Variants in SAMD5 observed in about 807,000 individuals in gnomAD.
The protein encoded by SAMD5 is sterile alpha motif domain containing 5, also known as sterile alpha motif domain-containing protein 5.
In SAMD5, 13 loss-of-function variants were observed where a neutral mutation model predicts 11.3. The ratio of observed to expected loss-of-function variants is 1.15; its 90% CI spans 0.75 to 1.83. The LOEUF (loss-of-function observed/expected upper bound fraction) is 1.83, where lower values mean the gene tolerates loss of function less well. Ranked by LOEUF, SAMD5 falls within the 40% of genes most tolerant of loss-of-function variation. SAMD5 has a pLI of 0.00. For missense variants in SAMD5, 255 were observed against 239.1 expected (o/e 1.07, Z -0.44); for synonymous variants, 129 against 111.3 (o/e 1.16, Z -1.00).
intron 1 of SAMD5, among the ~76,000 whole-genome samples, chr6:147,562,657 C>A (rs538750431): frequency 6.6e-6 from 1 of 152,094 alleles, no homozygotes; most frequent in Admixed American, 6.5e-5. Flanking sequence ...TCCGTCTCTA[C>A]TAAAAATACA....
the SAMD5 span, among the ~76,000 whole-genome samples, chr6:147,781,770 GCGCACACACACA>G: frequency 8.6e-5 from 6 of 70,048 alleles, no homozygotes; most frequent in South Asian, 1.7e-3. Context: ...TAATTTGTGT[GCGCACACACACA>G]CACACACACA....
At chr6:147,533,876 C>T (rs1314003077) in intron 1 of SAMD5, among the ~76,000 whole-genome samples, 2 of 152,204 alleles carry the variant, frequency 1.3e-5, no homozygotes, top group African/African-American at 2.4e-5. Flanking sequence ...ATTATGCAGG[C>T]TAATCTGCTT....
intron 1 of SAMD5, among the ~76,000 whole-genome samples, chr6:147,604,206 TAAC>T (rs1174460929): frequency 7.3e-5 from 6 of 82,114 alleles, no homozygotes; most frequent in Non-Finnish European, 1.4e-4. Flanking sequence ...ATCAATGTAC[TAAC>T]TTTTTTTTTT....
intron 1 of SAMD5, among the ~76,000 whole-genome samples, chr6:147,595,678 C>G (rs887373758): frequency 1.3e-5 from 2 of 151,932 alleles, no homozygotes; most frequent in African/African-American, 4.8e-5. Context: ...AGGTGCCCAC[C>G]ACCACACCCA....
intron 1 of SAMD5, among the ~76,000 whole-genome samples, chr6:147,687,247 C>G (rs1791029170): frequency 6.9e-6 from 1 of 144,822 alleles, no homozygotes. Context: ...TCCCTCTCTC[C>G]CTCCTTCCCT....
intron 1 of SAMD5, among the ~76,000 whole-genome samples, chr6:147,514,637 T>C (rs1788137325): frequency 6.6e-6 from 1 of 152,088 alleles, no homozygotes; most frequent in African/African-American, 2.4e-5. Flanking sequence ...TGTAAATATA[T>C]TTTATTTTCT....
intron 1 of SAMD5, among the ~76,000 whole-genome samples, chr6:147,656,208 A>G (rs1381241834): frequency 6.6e-6 from 1 of 152,168 alleles, no homozygotes; most frequent in African/African-American, 2.4e-5. Context: ...GAGATCTGAA[A>G]GTGAAAAGAA....
intron 1 of SAMD5, among the ~76,000 whole-genome samples, chr6:147,587,766 T>C (rs1357123678): frequency 6.6e-6 from 1 of 152,140 alleles, no homozygotes; most frequent in Non-Finnish European, 1.5e-5. Context: ...TTCTGGGCTC[T>C]CCCTTTGACT....
At chr6:147,863,285 T>C in the SAMD5 span, among the ~76,000 whole-genome samples, 2 of 152,184 alleles carry the variant, frequency 1.3e-5, no homozygotes, top group South Asian at 4.1e-4. Context: ...CCCTCAGGAA[T>C]ATCTTTTTAG....
chr6:147,663,299 C>T (rs1433713518), intron 1 of SAMD5, among the ~76,000 whole-genome samples: 1 of 152,068 alleles, frequency 6.6e-6, no homozygotes, highest in Non-Finnish European at 1.5e-5. Context: ...GAGGGACTAA[C>T]ACACTCTGAG....
intron 1 of SAMD5, among the ~76,000 whole-genome samples, chr6:147,582,602 G>A (rs1789315813): frequency 2.6e-5 from 4 of 152,222 alleles, no homozygotes; most frequent in Admixed American, 1.3e-4. Flanking sequence ...TCTGCAGAAG[G>A]ACTTCTTAGC....
chr6:147,664,356 G>A (rs1562346429), intron 1 of SAMD5, among the ~76,000 whole-genome samples: 1 of 152,084 alleles, frequency 6.6e-6, no homozygotes, highest in Non-Finnish European at 1.5e-5. Context: ...CAGGAGACTA[G>A]CAGAGATAAA....
intron 1 of SAMD5, among the ~76,000 whole-genome samples, chr6:147,646,889 GT>G (rs893021589): frequency 6.6e-6 from 1 of 151,496 alleles, no homozygotes; most frequent in African/African-American, 2.4e-5. Context: ...TGTAATCCCA[GT>G]ACTTTGGGAG....
chr6:147,565,947 A>G lies in SAMD5; in HGVS notation c.*1491A>G. The G allele has an allele frequency of 1.0e-6, 1 of 985,296 alleles. No homozygotes were observed. Among genetic ancestry groups the G allele is most frequent in the South Asian group, 4.7e-5 (1 of 21,286 alleles). The allele number at this position is 985,296 out of a possible 1,614,324, so 61.0% of individuals were successfully genotyped here. A position where few individuals can be genotyped will look rare whatever the true frequency, so the allele number is the denominator to read the frequency against. ...TACTTAGAAGAATGTACAAGATGTA[A>G]GTTCCCATCGGCACCGTCATGGTAA... On this transcript the variant is annotated 3_prime_UTR_variant, in exon 2 of 2. Coordinates refer to ENST00000367474, the MANE Select transcript of SAMD5 (RefSeq NM_001030060.3).
chr6:147,703,860 A>G (rs1377016727), intron 1 of SAMD5, among the ~76,000 whole-genome samples: 1 of 152,090 alleles, frequency 6.6e-6, no homozygotes, highest in African/African-American at 2.4e-5. Context: ...AAACACACCT[A>G]TTTATACTTG....
the SAMD5 span, chr6:147,953,521 T>G: frequency 6.6e-6 from 1 of 152,218 alleles, no homozygotes; most frequent in Non-Finnish European, 1.5e-5. Flanking sequence ...TGCATCAAAC[T>G]GAGTTTTAAA....
intron 1 of SAMD5, among the ~76,000 whole-genome samples, chr6:147,562,821 C>CAAA (rs781600033): frequency 1.4e-4 from 20 of 145,150 alleles, no homozygotes; most frequent in African/African-American, 3.0e-4. Flanking sequence ...GACTCCGTCT[C>CAAA]AAAAAAAAAT....
At chr6:147,892,742 A>G in the SAMD5 span, among the ~76,000 whole-genome samples, 2 of 152,210 alleles carry the variant, frequency 1.3e-5, no homozygotes, top group African/African-American at 4.8e-5. Context: ...GGTTACTCCT[A>G]GAGACATCCA....
the SAMD5 span, among the ~76,000 whole-genome samples, chr6:147,924,933 T>C: frequency 6.6e-6 from 1 of 152,158 alleles, no homozygotes; most frequent in Non-Finnish European, 1.5e-5. Context: ...TGAGGCATTG[T>C]GATTGACTAA....
Sources: allele counts gnomAD v4.1 joint callset (sites outside exome capture counted in the v4.1 genomes callset), GRCh38; gene constraint gnomAD v4.1.1; transcripts MANE v1.5; gene names NCBI Gene and HGNC (gene_info 2026-07-23, HGNC 2026-07-21).